PDZRN3: variants seen among roughly 807,000 people sequenced by gnomAD.
PDZRN3 encodes PDZ domain containing ring finger 3.
In PDZRN3, 38 loss-of-function variants were observed where a neutral mutation model predicts 85.7. The ratio of observed to expected loss-of-function variants is 0.44; its 90% CI spans 0.34 to 0.58. The LOEUF is 0.58. Ranked by LOEUF, PDZRN3 falls within the 20% of genes least tolerant of loss-of-function variation. The pLI is 0.01. For missense variants in PDZRN3, 1,629 were observed against 1,506.4 expected (o/e 1.08, Z -1.35); for synonymous variants, 759 against 638.0 (o/e 1.19, Z -2.86).
intron 9 of PDZRN3, among the ~76,000 whole-genome samples, chr3:73,385,222 CAGGT>C (rs1701343762): frequency 6.6e-6 from 1 of 150,996 alleles, no homozygotes; most frequent in Non-Finnish European, 1.5e-5. Context: ...AATCAGTACA[CAGGT>C]AGAAGGATGT....
At chr3:73,433,947 C>G in intron 3 of PDZRN3, 1 of 1,368,476 alleles carries the variant, frequency 7.3e-7, no homozygotes, top group Non-Finnish European at 9.4e-7. Flanking sequence ...CACACATACA[C>G]ACAGACATAC....
intron 3 of PDZRN3, among the ~76,000 whole-genome samples, chr3:73,539,796 C>T (rs1277101584): frequency 6.6e-6 from 1 of 152,050 alleles, no homozygotes; most frequent in African/African-American, 2.4e-5. Flanking sequence ...GGGAAGAATA[C>T]TGACACAGAC....
At chr3:73,552,775 T>C (rs886642032) in intron 3 of PDZRN3, among the ~76,000 whole-genome samples, 1 of 152,208 alleles carries the variant, frequency 6.6e-6, no homozygotes, top group Non-Finnish European at 1.5e-5. Context: ...TGTTTAGGAT[T>C]TGAGATGCCC....
At chr3:73,563,011 ATATTTTTTT>A (rs1306835168) in intron 3 of PDZRN3, among the ~76,000 whole-genome samples, 7 of 38,208 alleles carry the variant, frequency 1.8e-4, no homozygotes, top group South Asian at 2.1e-3. Flanking sequence ...ATATATATAT[ATATTTTTTT>A]TTTTTTTTTT....
chr3:73,481,561 C>A (rs1703561230), intron 3 of PDZRN3, among the ~76,000 whole-genome samples: 1 of 151,970 alleles, frequency 6.6e-6, no homozygotes, highest in African/African-American at 2.4e-5. Flanking sequence ...AACTCCCGAC[C>A]TCAGGTGATC....
At chr3:73,537,408 T>C (rs940375481) in intron 3 of PDZRN3, among the ~76,000 whole-genome samples, 4 of 152,310 alleles carry the variant, frequency 2.6e-5, no homozygotes, top group Admixed American at 2.6e-4. Flanking sequence ...GTTAACCTAC[T>C]CTAATAAGGG....
intron 3 of PDZRN3, among the ~76,000 whole-genome samples, chr3:73,462,332 A>C (rs1296744789): frequency 6.6e-6 from 1 of 152,136 alleles, no homozygotes; most frequent in Non-Finnish European, 1.5e-5. Context: ...TCACGAGGTC[A>C]GGAGATCGAG....
chr3:73,458,818 C>T (rs1703040955), intron 3 of PDZRN3, among the ~76,000 whole-genome samples: 2 of 151,322 alleles, frequency 1.3e-5, no homozygotes, highest in Admixed American at 1.3e-4. Flanking sequence ...GGTGAAACCC[C>T]ATCTCTACTA....
intron 3 of PDZRN3, among the ~76,000 whole-genome samples, chr3:73,587,952 A>T (rs1051116054): frequency 3.9e-5 from 6 of 152,160 alleles, no homozygotes; most frequent in African/African-American, 1.2e-4. Flanking sequence ...CTTGTTTTTT[A>T]AAAAAATTTA....
At chr3:73,602,518 G>A in intron 2 of PDZRN3, 57 bp from the exon 3 acceptor site, 1 of 896,990 alleles carries the variant, frequency 1.1e-6, no homozygotes, top group Non-Finnish European at 1.9e-6. Context: ...GAGCATGAAA[G>A]TAAAGCTTGC....
chr3:73,534,107 T>C (rs1202519943), intron 3 of PDZRN3, among the ~76,000 whole-genome samples: 2 of 152,234 alleles, frequency 1.3e-5, no homozygotes, highest in Admixed American at 6.5e-5. Flanking sequence ...CCCCAACATT[T>C]AATAATAGGT....
chr3:73,493,188 G>T (rs968722782), intron 3 of PDZRN3, among the ~76,000 whole-genome samples: 7 of 152,006 alleles, frequency 4.6e-5, no homozygotes, highest in African/African-American at 1.7e-4. Context: ...CCCAGATGGA[G>T]CCTCAATGGC....
intron 3 of PDZRN3, among the ~76,000 whole-genome samples, chr3:73,518,562 T>C (rs749221486): frequency 7.9e-5 from 12 of 152,098 alleles, no homozygotes; most frequent in Non-Finnish European, 1.3e-4. Flanking sequence ...AAGACTGAGG[T>C]ATACCTACTT....
intron 3 of PDZRN3, among the ~76,000 whole-genome samples, chr3:73,528,504 C>G (rs1311486023): frequency 1.3e-5 from 2 of 152,020 alleles, no homozygotes; most frequent in Admixed American, 6.5e-5. Context: ...GATAAACTGT[C>G]AAGAATAAAC....
chr3:73,383,517 T>A lies in PDZRN3; in HGVS notation c.3049A>T (p.Ile1017Phe). The A allele has an allele frequency of 1.9e-6, 3 of 1,614,202 alleles. No homozygotes were observed. Among genetic ancestry groups the A allele is most frequent in the Non-Finnish European group, 2.5e-6 (3 of 1,180,032 alleles). ...ATCTTTTTGTGGCTCAGTTCGAGAATGTTCATCTCCTTCCTGTCATCGGCT... is the reference window on the plus strand; with the variant it reads ...ATCTTTTTGTGGCTCAGTTCGAGAAAGTTCATCTCCTTCCTGTCATCGGCT... ...QAADDRKEMN[I>F]LELSHKKMMK... The change falls in exon 10 of 10, where the codon ATT (isoleucine) becomes TTT (phenylalanine). Residue 1017 changes from isoleucine (I) to phenylalanine (F), a missense_variant. Coordinates refer to ENST00000263666, the MANE Select transcript of PDZRN3 (RefSeq NM_015009.3).
At chr3:73,474,510 A>C (rs1320438486) in intron 3 of PDZRN3, 5 of 1,288,748 alleles carry the variant, frequency 3.9e-6, no homozygotes, top group Non-Finnish European at 4.0e-6. Context: ...ACTGAACAAT[A>C]AGATCATCCT....
chr3:73,412,451 C>T (rs76273974), intron 3 of PDZRN3, among the ~76,000 whole-genome samples: 1,805 of 152,240 alleles, frequency 0.012, 31 homozygotes, highest in African/African-American at 0.036. Flanking sequence ...TTAAAAAGAG[C>T]GTTTAATGGT....
intron 3 of PDZRN3, among the ~76,000 whole-genome samples, chr3:73,530,940 C>A (rs145904979): frequency 6.6e-6 from 1 of 152,096 alleles, no homozygotes; most frequent in African/African-American, 2.4e-5. Context: ...ACTATAATTT[C>A]TAATTATCTT....
At chr3:73,386,474 G>A (rs556296891) in intron 8 of PDZRN3, among the ~76,000 whole-genome samples, 1 of 152,104 alleles carries the variant, frequency 6.6e-6, no homozygotes, top group East Asian at 1.9e-4. Context: ...GATTATAGGC[G>A]TGAGCCACTG....
Sources: gnomAD v4.1 joint callset for allele counts (sites outside exome capture counted in the v4.1 genomes callset) on GRCh38, gnomAD v4.1.1 for gene constraint, MANE v1.5 for transcripts, NCBI Gene and HGNC (gene_info 2026-07-23, HGNC 2026-07-21) for gene names.